Variants in NKAIN2 observed in about 807,000 individuals in gnomAD.
NKAIN2 encodes the protein sodium/potassium transporting ATPase interacting 2.
In NKAIN2, 14 loss-of-function variants were observed where a neutral mutation model predicts 32.6. The observed-to-expected ratio is 0.43, with a 90% confidence interval of 0.28 to 0.67. NKAIN2 has a LOEUF of 0.67. NKAIN2 is among the 30% of genes least tolerant of loss of function. The pLI, the probability that NKAIN2 is intolerant of heterozygous loss-of-function variation, is 0.17. For missense variants in NKAIN2, 198 were observed against 258.3 expected (o/e 0.77, Z 1.60); for synonymous variants, 80 against 87.2 (o/e 0.92, Z 0.46).
intron 1 of NKAIN2, among the ~76,000 whole-genome samples, chr6:123,957,839 T>G (rs897047124): frequency 3.3e-5 from 5 of 152,178 alleles, no homozygotes; most frequent in Non-Finnish European, 1.5e-5. Flanking sequence ...ATTTGAAAAA[T>G]TAAATTTCTT....
chr6:124,411,590 C>T (rs1774187112), intron 3 of NKAIN2, among the ~76,000 whole-genome samples: 4 of 152,352 alleles, frequency 2.6e-5, no homozygotes, highest in Non-Finnish European at 5.9e-5. Context: ...GGTAACCTGA[C>T]CTTTCTCTCT....
At chr6:124,230,459 G>T (rs1415248490) in intron 1 of NKAIN2, among the ~76,000 whole-genome samples, 1 of 152,202 alleles carries the variant, frequency 6.6e-6, no homozygotes, top group Admixed American at 6.5e-5. Flanking sequence ...ACAGCTGAAT[G>T]TTAATACCCA....
intron 4 of NKAIN2, among the ~76,000 whole-genome samples, chr6:124,677,214 C>A (rs149014617): frequency 6.6e-6 from 1 of 151,760 alleles, no homozygotes; most frequent in Non-Finnish European, 1.5e-5. Flanking sequence ...AGTGATCCAC[C>A]TGCCTTGGCC....
chr6:124,376,650 A>G (rs1029394303), intron 3 of NKAIN2, among the ~76,000 whole-genome samples: 1 of 152,120 alleles, frequency 6.6e-6, no homozygotes, highest in Non-Finnish European at 1.5e-5. Flanking sequence ...GTTTAAGCTT[A>G]CCCTACAGTT....
intron 1 of NKAIN2, among the ~76,000 whole-genome samples, chr6:124,074,160 A>G (rs2114888106): frequency 6.6e-6 from 1 of 152,232 alleles, no homozygotes; most frequent in South Asian, 2.1e-4. Context: ...ATTCCTCAAG[A>G]TTGTGACAGG....
intron 2 of NKAIN2, among the ~76,000 whole-genome samples, chr6:124,341,554 A>C (rs902893299): frequency 6.6e-6 from 1 of 152,206 alleles, no homozygotes; most frequent in Non-Finnish European, 1.5e-5. Flanking sequence ...TTTTAAAATG[A>C]ATTAAACTTA....
At chr6:123,940,346 ATG>A (rs1776757759) in intron 1 of NKAIN2, among the ~76,000 whole-genome samples, 1 of 150,104 alleles carries the variant, frequency 6.7e-6, no homozygotes, top group Non-Finnish European at 1.5e-5. Context: ...ATATATATAT[ATG>A]TGTATGTGTA....
chr6:124,409,662 T>G (rs575723617), intron 3 of NKAIN2, among the ~76,000 whole-genome samples: 83 of 152,300 alleles, frequency 5.4e-4, no homozygotes, highest in African/African-American at 2.0e-3. Flanking sequence ...TCTCTTTTCT[T>G]GTTGTGTCTC....
intron 4 of NKAIN2, among the ~76,000 whole-genome samples, chr6:124,707,363 G>A (rs1375116174): frequency 6.6e-6 from 1 of 151,364 alleles, no homozygotes; most frequent in East Asian, 1.9e-4. Context: ...CCCAGTAATG[G>A]GATGGCTGGG....
intron 3 of NKAIN2, chr6:124,390,756 G>C (rs1583174189): frequency 6.6e-6 from 1 of 152,086 alleles, no homozygotes; most frequent in African/African-American, 2.4e-5. Flanking sequence ...ACTGGTGGAA[G>C]GAGCCATGTT....
intron 3 of NKAIN2, among the ~76,000 whole-genome samples, chr6:124,635,695 AAGGTC>A (rs1371217402): frequency 1.3e-5 from 2 of 152,188 alleles, no homozygotes; most frequent in African/African-American, 4.8e-5. Flanking sequence ...TATTATAAAG[AAGGTC>A]ATTGTATCAT....
intron 1 of NKAIN2, among the ~76,000 whole-genome samples, chr6:123,894,411 G>T (rs558002091): frequency 1.3e-5 from 2 of 152,188 alleles, no homozygotes; most frequent in Non-Finnish European, 2.9e-5. Flanking sequence ...TATGTTGATA[G>T]AGAAACAGAG....
intron 1 of NKAIN2, among the ~76,000 whole-genome samples, chr6:124,239,227 T>C (rs1419468198): frequency 1.3e-5 from 2 of 152,048 alleles, no homozygotes; most frequent in African/African-American, 4.8e-5. Flanking sequence ...ATGCACCCAA[T>C]ACAGGAGCAA....
intron 3 of NKAIN2, among the ~76,000 whole-genome samples, chr6:124,392,065 T>C (rs1304956026): frequency 6.6e-6 from 1 of 152,196 alleles, no homozygotes; most frequent in Admixed American, 6.6e-5. Flanking sequence ...GCAATGTATC[T>C]ATTATATAAA....
At position 124,096,392 on chromosome 6, in the gene NKAIN2, G is replaced by T. The variant is rs184064306; in HGVS notation, c.55-186613G>T. Among the ~76,000 whole-genome samples the T allele has an allele frequency of 1.9e-3, 284 of 152,200 alleles. 2 individuals carry two copies. Among genetic ancestry groups the T allele is most frequent in the African/African-American group, 6.6e-3 (273 of 41,514 alleles). On this transcript the variant is annotated intron_variant, in intron 1 of 6. Coordinates refer to ENST00000368417, the MANE Select transcript of NKAIN2 (RefSeq NM_001040214.3). ...AATACTCTGATGTTTTAATGATCAG[G>T]TCCAGGAATGGCTTTACCAACCCCT...
chr6:124,166,291 G>GT (rs1345709751), intron 1 of NKAIN2, among the ~76,000 whole-genome samples: 2 of 151,458 alleles, frequency 1.3e-5, no homozygotes, highest in Non-Finnish European at 2.9e-5. Context: ...TTTTTCATGT[G>GT]TTTTTTGGCT....
intron 4 of NKAIN2, among the ~76,000 whole-genome samples, chr6:124,759,657 C>CACACACACACACACACACACA (rs1562367850): frequency 2.7e-5 from 2 of 75,374 alleles, no homozygotes; most frequent in East Asian, 3.9e-4. Context: ...ACACACACAC[C>CACACACACACACACACACACA]CCCTATCTCC....
In NKAIN2 at chr6:124,625,120, T is replaced by C. The variant is rs202046534; in HGVS notation, c.274-33066T>C. Among the ~76,000 whole-genome samples, 19 of 90,062 alleles carry C rather than the reference T, an allele frequency of 2.1e-4. 1 individual carries two copies. The South Asian group carries it at 3.8e-3, about 18-fold the overall frequency. The allele number at this position is 90,062 out of a possible 152,430, so 59.1% of individuals were successfully genotyped here. A position where few individuals can be genotyped will look rare whatever the true frequency, so the allele number is the denominator to read the frequency against. ...TCAATATTGATCTGTGTTTGCCCCC[T>C]GTCTTCCTGACACTAGAGTTTTCTT... On this transcript the variant is annotated intron_variant, in intron 3 of 6. Coordinates refer to ENST00000368417, the MANE Select transcript of NKAIN2 (RefSeq NM_001040214.3).
rs145837066 is a variant in NKAIN2, at chr6:124,378,039, A to G, written c.273+22692A>G. ...GTGTGGATACCACCTGAACTATAGA[A>G]GCTGAGTGAAATTTCCAGTCCCTGT... is the stretch of plus-strand genomic sequence containing the variant. On this transcript the variant is annotated intron_variant, in intron 3 of 6. Coordinates refer to ENST00000368417, the MANE Select transcript of NKAIN2 (RefSeq NM_001040214.3). 2.3e-3 allele frequency among the ~76,000 whole-genome samples: 356 copies of G among 152,234 alleles called. 3 individuals carry two copies. The highest frequency in any genetic ancestry group is 2.5e-3 in the South Asian group (12 of 4,818).
Sources: gnomAD v4.1 joint callset for allele counts (sites outside exome capture counted in the v4.1 genomes callset) on GRCh38, gnomAD v4.1.1 for gene constraint, MANE v1.5 for transcripts, NCBI Gene and HGNC (gene_info 2026-07-23, HGNC 2026-07-21) for gene names.